The following ADAMTS2 variants were observed in gnomAD, a reference collection of about 807,000 sequenced individuals.
ADAMTS2 encodes A disintegrin and metalloproteinase with thrombospondin motifs 2.
Under a neutral mutation model 123.0 loss-of-function variants are expected in ADAMTS2, and 50 were observed. That is an observed-to-expected ratio of 0.41 (90% CI 0.32 to 0.51). The LOEUF (loss-of-function observed/expected upper bound fraction) is 0.51. Ranked by LOEUF, ADAMTS2 falls within the 20% of genes least tolerant of loss-of-function variation. The probability of loss-of-function intolerance (pLI) is 0.35; values close to 1 mark genes in which losing one functional copy is unlikely to be tolerated. For missense variants in ADAMTS2, 1,494 were observed against 1,705.2 expected, an observed-to-expected ratio of 0.88 and a Z score of 2.18; for synonymous variants, 678 against 695.4, an observed-to-expected ratio of 0.98 and a Z score of 0.39.
At chr5:179,214,434 C>T (rs1764928201) in intron 3 of ADAMTS2, among the ~76,000 whole-genome samples, 4 of 152,108 alleles carry the variant, frequency 2.6e-5, no homozygotes, top group Admixed American at 2.6e-4. Context: ...CTGAAGAAAC[C>T]AATAACCTCA....
At chr5:179,133,312 GGCTGGAGTACAATGGTGCAATCTCA>G (rs1762998596) in intron 13 of ADAMTS2, among the ~76,000 whole-genome samples, 1 of 152,022 alleles carries the variant, frequency 6.6e-6, no homozygotes, top group Non-Finnish European at 1.5e-5. Flanking sequence ...CTGTCGCCCA[GGCTGGAGTACAATGGTGCAATCTCA>G]GCTCACTGCA....
At chr5:179,207,983 G>A (rs375509140) in intron 3 of ADAMTS2, among the ~76,000 whole-genome samples, 2 of 152,154 alleles carry the variant, frequency 1.3e-5, no homozygotes, top group Admixed American at 1.3e-4. Context: ...AGCCACAGCA[G>A]GGGCCACAGT....
At chr5:179,270,794 G>A (rs1345315871) in intron 3 of ADAMTS2, among the ~76,000 whole-genome samples, 3 of 152,192 alleles carry the variant, frequency 2.0e-5, no homozygotes, top group Non-Finnish European at 4.4e-5. Context: ...GCATGGCGTG[G>A]GAGCTAGCTC....
intron 3 of ADAMTS2, among the ~76,000 whole-genome samples, chr5:179,266,524 A>C (rs1464405158): frequency 2.6e-5 from 4 of 152,200 alleles, no homozygotes; most frequent in Admixed American, 2.6e-4. Context: ...GGCCTCCCGA[A>C]GGAACCAGCC....
intron 2 of ADAMTS2, among the ~76,000 whole-genome samples, chr5:179,288,594 T>G (rs956070978): frequency 1.3e-5 from 2 of 152,076 alleles, no homozygotes; most frequent in Admixed American, 6.5e-5. Flanking sequence ...GACTCTGGGA[T>G]GTGTATTTAT....
chr5:179,126,805 C>CCAGGAAGCA (rs1335354541), intron 17 of ADAMTS2, among the ~76,000 whole-genome samples: 2 of 152,178 alleles, frequency 1.3e-5, no homozygotes, highest in Non-Finnish European at 2.9e-5. Context: ...TGGAGGCATC[C>CCAGGAAGCA]CAGGAAGCAG....
chr5:179,203,250 G>A (rs568582222), intron 4 of ADAMTS2, among the ~76,000 whole-genome samples: 1 of 152,320 alleles, frequency 6.6e-6, no homozygotes, highest in South Asian at 2.1e-4. Context: ...GGCACAGGCT[G>A]TGCCACCATT....
chr5:179,287,906 C>T (rs892120237), intron 2 of ADAMTS2, among the ~76,000 whole-genome samples: 1 of 152,230 alleles, frequency 6.6e-6, no homozygotes, highest in African/African-American at 2.4e-5. Flanking sequence ...TGGGACGCAG[C>T]CCGCCCAACG....
intron 3 of ADAMTS2, among the ~76,000 whole-genome samples, chr5:179,220,269 G>A (rs544604944): frequency 3.3e-5 from 5 of 152,288 alleles, no homozygotes; most frequent in East Asian, 1.9e-4. Flanking sequence ...TGTTCTGAAC[G>A]CAGAGGAGGT....
chr5:179,196,508 C>T (rs565708098), intron 4 of ADAMTS2, among the ~76,000 whole-genome samples: 7 of 152,142 alleles, frequency 4.6e-5, no homozygotes, highest in South Asian at 2.1e-4. Flanking sequence ...CGTTCTACAG[C>T]GGTTAAGAGC....
chr5:179,322,545 G>C (rs1055628342), intron 2 of ADAMTS2, among the ~76,000 whole-genome samples: 4 of 152,202 alleles, frequency 2.6e-5, no homozygotes, highest in African/African-American at 9.7e-5. Context: ...TGCCACATCA[G>C]ACACCGGGAG....
chr5:179,139,928 C>G lies in ADAMTS2; in HGVS notation c.1737G>C (p.Thr579=). 1.2e-6 allele frequency: 2 copies of G among 1,612,814 alleles called. No homozygotes were observed. The highest frequency in any genetic ancestry group is 1.7e-6 in the Non-Finnish European group (2 of 1,179,992). ...ACTGGCGGGTCCTGAACTTCACGCC[C>G]GTGCCACAGGTACGTGAGCAGGAGC... ...PFGSCSRTCG[T]GVKFRTRQCD... Residue 579 remains threonine (T), a synonymous_variant, in exon 11 of 22, where the codon ACG becomes ACC. Coordinates refer to ENST00000251582, the MANE Select transcript of ADAMTS2 (RefSeq NM_014244.5).
chr5:179,228,439 G>A lies in ADAMTS2; in HGVS notation c.689-20724C>T, dbSNP rs1765337260. ...CAGCCAGCAGGGCAGAATTGGGGGTGGACTTGCCCCAGCCTGAAGACCTCC... is the reference window on the plus strand; with the variant it reads ...CAGCCAGCAGGGCAGAATTGGGGGTAGACTTGCCCCAGCCTGAAGACCTCC... On this transcript the variant is annotated intron_variant, in intron 3 of 21. Coordinates refer to ENST00000251582, the MANE Select transcript of ADAMTS2 (RefSeq NM_014244.5). This position sits in a 1 kb window ranked among gnomAD's most constrained non-coding sequence, Gnocchi z 5.2. 6.6e-6 allele frequency among the ~76,000 whole-genome samples: 1 copy of A among 152,196 alleles called. No individual in the cohort carries two copies. Among genetic ancestry groups the A allele is most frequent in the South Asian group, 2.1e-4 (1 of 4,838 alleles).
rs557173955 is a variant in ADAMTS2, at chr5:179,218,257, G to T, written c.689-10542C>A. 2.0e-5 allele frequency among the ~76,000 whole-genome samples: 3 copies of T among 152,338 alleles called. No homozygotes were observed. In the South Asian group the frequency reaches 6.2e-4, roughly 32 times the overall value. On this transcript the variant is annotated intron_variant, in intron 3 of 21. Coordinates refer to ENST00000251582, the MANE Select transcript of ADAMTS2 (RefSeq NM_014244.5). ...AGCAGCCTCTCCTCCAACATGAGGA[G>T]CCCCACCCAGGGGAGGTCAACGGGA...
At chr5:179,326,201 CGTGT>C (rs60626964) in intron 2 of ADAMTS2, among the ~76,000 whole-genome samples, 6,742 of 148,444 alleles carry the variant, frequency 0.045, 179 homozygotes, top group African/African-American at 0.075. Context: ...TTTGTGTGTG[CGTGT>C]GTGTGTGTGT....
In ADAMTS2 at chr5:179,162,197, T is replaced by C. The variant is rs1004688028; in HGVS notation, c.976-3318A>G. Among the ~76,000 whole-genome samples the C allele has an allele frequency of 1.7e-4, 26 of 152,204 alleles. No homozygotes were observed. The highest frequency in any genetic ancestry group is 2.6e-4 in the Non-Finnish European group (18 of 68,044). On this transcript the variant is annotated intron_variant, in intron 5 of 21. Coordinates refer to ENST00000251582, the MANE Select transcript of ADAMTS2 (RefSeq NM_014244.5). This position sits in a 1 kb window ranked among gnomAD's most constrained non-coding sequence, Gnocchi z 5.1. The stretch of plus-strand genomic sequence containing the variant: ...GGGTTGCGGTGACTTCTGCCTGCCC[T>C]TGTTTCCCTTTCGTGAAACTTCCCC...
intron 3 of ADAMTS2, among the ~76,000 whole-genome samples, chr5:179,245,787 A>AAAACAAC (rs1765783665): frequency 1.3e-5 from 1 of 76,128 alleles, no homozygotes; most frequent in African/African-American, 4.6e-5. Flanking sequence ...AAAAAAAAAA[A>AAAACAAC]AAAAAAAACA....
chr5:179,204,819 C>T (rs3797613), intron 4 of ADAMTS2, among the ~76,000 whole-genome samples: 18,139 of 152,236 alleles, frequency 0.12, 1,248 homozygotes, highest in Non-Finnish European at 0.16. Context: ...CGGTCTCCCA[C>T]GCCCCGGGAC....
rs544091949 is a variant in ADAMTS2, at chr5:179,242,720, G to A, written c.688+30191C>T. On this transcript the variant is annotated intron_variant, in intron 3 of 21. Coordinates refer to ENST00000251582, the MANE Select transcript of ADAMTS2 (RefSeq NM_014244.5). The surrounding 1 kb of genome is among the most constrained non-coding windows in gnomAD (Gnocchi z 4.2). ...TCAGCTTATGGGGAGTTCCACTCTG[G>A]GGGTGTGTGGCCAAGAACACAGGGC... Among the ~76,000 whole-genome samples the A allele has an allele frequency of 3.9e-5, 6 of 152,124 alleles. No homozygotes were observed. The highest frequency in any genetic ancestry group is 1.4e-4 in the African/African-American group (6 of 41,416).
Sources: gnomAD v4.1 joint callset for allele counts (sites outside exome capture counted in the v4.1 genomes callset) on GRCh38, gnomAD v4.1.1 for gene constraint, Gnocchi (gnomAD v3.1) non-coding constraint, MANE v1.5 for transcripts, NCBI Gene and HGNC (gene_info 2026-07-23, HGNC 2026-07-21) for gene names.